Variants in CCDC6 observed in about 807,000 individuals in gnomAD.
CCDC6 encodes coiled-coil domain-containing protein 6.
Under a neutral mutation model 56.6 loss-of-function variants are expected in CCDC6, and 20 were observed. The ratio of observed to expected loss-of-function variants is 0.35; its 90% CI spans 0.25 to 0.51. CCDC6 has a LOEUF of 0.51. Among genes scored for constraint, CCDC6 ranks in the 20% least tolerant of loss-of-function variants. CCDC6 has a pLI of 0.95. For synonymous variants in CCDC6, 241 were observed against 234.4 expected (o/e 1.03, Z -0.26); for missense variants, 367 against 601.1 (o/e 0.61, Z 4.07).
chr10:59,835,629 TA>T (rs1564744899), intron 2 of CCDC6, among the ~76,000 whole-genome samples: 1 of 152,202 alleles, frequency 6.6e-6, no homozygotes, highest in South Asian at 2.1e-4. Flanking sequence ...AAGACAGTGC[TA>T]AAACAAACAG....
chr10:59,902,388 C>CTTT (rs35175510), intron 1 of CCDC6, among the ~76,000 whole-genome samples: 126 of 88,412 alleles, frequency 1.4e-3, no homozygotes, highest in African/African-American at 4.2e-3. Flanking sequence ...AACAGTAACT[C>CTTT]TTTTTTTTTT....
At chr10:59,852,950 A>G (rs1188175632) in intron 1 of CCDC6, among the ~76,000 whole-genome samples, 1 of 152,210 alleles carries the variant, frequency 6.6e-6, no homozygotes, top group Non-Finnish European at 1.5e-5. Flanking sequence ...TCTTAAAGTG[A>G]TATTTCAAAG....
intron 7 of CCDC6, among the ~76,000 whole-genome samples, chr10:59,796,696 G>A (rs181620252): frequency 9.2e-5 from 14 of 152,202 alleles, no homozygotes; most frequent in Admixed American, 2.0e-4. Context: ...GGCCTGGAGC[G>A]GTGGCTCACG....
At chr10:59,820,741 C>G (rs927553065) in intron 3 of CCDC6, among the ~76,000 whole-genome samples, 1 of 149,904 alleles carries the variant, frequency 6.7e-6, no homozygotes, top group African/African-American at 2.5e-5. Context: ...GAGCAAGACT[C>G]TGTCTCAAAA....
chr10:59,818,120 T>G (rs1427089395), intron 3 of CCDC6, among the ~76,000 whole-genome samples: 4 of 151,992 alleles, frequency 2.6e-5, no homozygotes, highest in Non-Finnish European at 4.4e-5. Flanking sequence ...CAAGCTGTGG[T>G]TTGTGGGCCT....
At position 59,790,484 on chromosome 10, in the gene CCDC6, G is replaced by C; in HGVS notation, c.*2433C>G. 4.6e-6 allele frequency: 1 copy of C among 218,908 alleles called. No individual in the cohort carries two copies. The highest frequency in any genetic ancestry group is 9.2e-6 in the Non-Finnish European group (1 of 108,792). The allele number at this position is 218,908 out of a possible 1,614,324, so 13.6% of individuals were successfully genotyped here. On this transcript the variant is annotated 3_prime_UTR_variant, in exon 9 of 9. Transcript: ENST00000263102. ...AGAATCTAAATCTTACTGATCCCTA[G>C]TAGTAAGACAATTGCCAAGAAATTG...
At position 59,792,355 on chromosome 10, in the gene CCDC6, G is replaced by A. The variant is rs559423435; in HGVS notation, c.*562C>T. The A allele has an allele frequency of 7.7e-6, 3 of 390,044 alleles. No homozygotes were observed. The highest frequency in any genetic ancestry group is 8.8e-5 in the East Asian group (2 of 22,750). The allele number at this position is 390,044 out of a possible 1,614,324, so 24.2% of individuals were successfully genotyped here. A position where few individuals can be genotyped will look rare whatever the true frequency, so the allele number is the denominator to read the frequency against. On this transcript the variant is annotated 3_prime_UTR_variant, in exon 9 of 9. Transcript: ENST00000263102. ...ACAATGAAAATAACCTGTAAAAAATGTATCTGTAGAAAGTTCTGTTAAACA... is the reference window on the plus strand; with the variant it reads ...ACAATGAAAATAACCTGTAAAAAATATATCTGTAGAAAGTTCTGTTAAACA...
At chr10:59,803,942 C>A (rs1179705379) in intron 7 of CCDC6, among the ~76,000 whole-genome samples, 2 of 152,168 alleles carry the variant, frequency 1.3e-5, no homozygotes, top group African/African-American at 4.8e-5. Flanking sequence ...GCTGTGTAAC[C>A]AGTAGTGACC....
At chr10:59,820,785 GA>G (rs2070743814) in intron 3 of CCDC6, among the ~76,000 whole-genome samples, 1 of 140,894 alleles carries the variant, frequency 7.1e-6, no homozygotes, top group East Asian at 2.1e-4. Flanking sequence ...ATGAAAGAAA[GA>G]AAGAAAAAAA....
intron 2 of CCDC6, among the ~76,000 whole-genome samples, chr10:59,850,978 T>C (rs973825465): frequency 6.6e-6 from 1 of 151,832 alleles, no homozygotes; most frequent in East Asian, 1.9e-4. Context: ...CCTTAAAAGG[T>C]AGGTAGGTTA....
chr10:59,883,707 T>C (rs1354386408), intron 1 of CCDC6, among the ~76,000 whole-genome samples: 1 of 152,220 alleles, frequency 6.6e-6, no homozygotes, highest in Non-Finnish European at 1.5e-5. Flanking sequence ...TCAACTCAAC[T>C]GATTATTTAA....
At position 59,791,925 on chromosome 10, in the gene CCDC6, T is replaced by C. The variant is rs1316216536; in HGVS notation, c.*992A>G. 6 of 221,134 alleles carry C rather than the reference T, an allele frequency of 2.7e-5. No individual in the cohort carries two copies. In the East Asian group the frequency reaches 4.0e-4, roughly 15 times the overall value. The allele number at this position is 221,134 out of a possible 1,614,324, so 13.7% of individuals were successfully genotyped here. A position where few individuals can be genotyped will look rare whatever the true frequency, so the allele number is the denominator to read the frequency against. On this transcript the variant is annotated 3_prime_UTR_variant, in exon 9 of 9. Coordinates refer to ENST00000263102, the MANE Select transcript of CCDC6 (RefSeq NM_005436.5). ...TTTTCTTTTCTGCCAAGCAATACAA[T>C]ATTTTCTGGCCATTATGCCAAGATA...
chr10:59,850,331 T>C (rs993925876), intron 2 of CCDC6, among the ~76,000 whole-genome samples: 2 of 149,404 alleles, frequency 1.3e-5, no homozygotes, highest in African/African-American at 5.1e-5. Context: ...ATGGCTAAAA[T>C]GGTAAATTTT....
intron 3 of CCDC6, 73 bp from the exon 4 acceptor site, chr10:59,814,828 A>G: frequency 2.1e-6 from 2 of 938,948 alleles, no homozygotes; most frequent in East Asian, 2.4e-5. Context: ...TTGATTGAAC[A>G]ATTAGGACCC....
At chr10:59,794,897 C>T (rs1417721526) in intron 7 of CCDC6, among the ~76,000 whole-genome samples, 1 of 152,102 alleles carries the variant, frequency 6.6e-6, no homozygotes, top group East Asian at 1.9e-4. Flanking sequence ...GTTGGGAAAA[C>T]TGGATATTCA....
chr10:59,825,161 A>G (rs554086168), intron 3 of CCDC6, among the ~76,000 whole-genome samples: 5 of 152,320 alleles, frequency 3.3e-5, no homozygotes, highest in East Asian at 3.9e-4. Flanking sequence ...CTGTGTCCCA[A>G]TGCAAATCTC....
At chr10:59,856,246 A>G (rs538110168) in intron 1 of CCDC6, among the ~76,000 whole-genome samples, 60 of 152,020 alleles carry the variant, frequency 3.9e-4, no homozygotes, top group Non-Finnish European at 7.1e-4. Flanking sequence ...CAAACGTAAA[A>G]CCCCAGCTCC....
At chr10:59,862,552 CACACATATAT>C (rs1244701113) in intron 1 of CCDC6, among the ~76,000 whole-genome samples, 11 of 81,618 alleles carry the variant, frequency 1.3e-4, no homozygotes, top group African/African-American at 6.5e-4. Flanking sequence ...CACACACACA[CACACATATAT>C]ATACACATAC....
chr10:59,812,359 G>C (rs1294884820), intron 5 of CCDC6, among the ~76,000 whole-genome samples: 13 of 151,996 alleles, frequency 8.6e-5, no homozygotes. Context: ...AAACATGGCA[G>C]AGAAGATTAA....
Sources: allele counts gnomAD v4.1 joint callset (sites outside exome capture counted in the v4.1 genomes callset), GRCh38; gene constraint gnomAD v4.1.1; transcripts MANE v1.5; gene names NCBI Gene and HGNC (gene_info 2026-07-23, HGNC 2026-07-21).